Variants in SORBS2 observed in about 807,000 individuals in gnomAD.
The protein encoded by SORBS2 is sorbin and SH3 domain containing 2, also known as sorbin and SH3 domain-containing protein 2.
In SORBS2, 46 loss-of-function variants were observed where a neutral mutation model predicts 97.7. The observed-to-expected ratio is 0.47, with a 90% CI of 0.37 to 0.60. The LOEUF is 0.60. Ranked by LOEUF, SORBS2 falls within the 20% of genes least tolerant of loss-of-function variation. SORBS2 has a pLI of 0.00. For missense variants in SORBS2, 1,316 were observed against 1,282.3 expected, an observed-to-expected ratio of 1.03 and a Z score of -0.40; for synonymous variants, 476 against 473.4, an observed-to-expected ratio of 1.01 and a Z score of -0.07.
chr4:185,901,244 C>T (rs1387823817), intron 1 of SORBS2, among the ~76,000 whole-genome samples: 1 of 151,964 alleles, frequency 6.6e-6, no homozygotes, highest in South Asian at 2.1e-4. Context: ...ACTCTTGTTG[C>T]CCAGGCTGGA....
chr4:185,896,039 T>A (rs922647725), intron 1 of SORBS2, among the ~76,000 whole-genome samples: 1 of 152,122 alleles, frequency 6.6e-6, no homozygotes, highest in African/African-American at 2.4e-5. Flanking sequence ...ATTATCCAGC[T>A]CTGAACAAGG....
intron 1 of SORBS2, among the ~76,000 whole-genome samples, chr4:185,954,484 G>A (rs1311731243): frequency 6.6e-6 from 1 of 152,008 alleles, no homozygotes; most frequent in Admixed American, 6.6e-5. Context: ...TATGTACATT[G>A]TAAATATTTT....
At chr4:185,624,520 A>G (rs1581220183) in intron 6 of SORBS2, 26 bp from the exon 19 acceptor site, 1 of 1,567,278 alleles carries the variant, frequency 6.4e-7, no homozygotes, top group East Asian at 2.3e-5. Context: ...AGCGTGGTAG[A>G]AGAGAGACAT....
intron 2 of SORBS2, among the ~76,000 whole-genome samples, chr4:185,757,872 A>C (rs2098840375): frequency 6.6e-6 from 1 of 152,216 alleles, no homozygotes; most frequent in Non-Finnish European, 1.5e-5. Context: ...TGAGACCCCT[A>C]ATGGCAGCTT....
chr4:185,910,775 A>G (rs911165036), intron 1 of SORBS2, among the ~76,000 whole-genome samples: 1 of 152,198 alleles, frequency 6.6e-6, no homozygotes, highest in Admixed American at 6.5e-5. Flanking sequence ...TCCTGTGGGT[A>G]TACAAAGATG....
At chr4:185,727,485 G>C (rs1321471312) in intron 2 of SORBS2, among the ~76,000 whole-genome samples, 1 of 152,066 alleles carries the variant, frequency 6.6e-6, no homozygotes, top group African/African-American at 2.4e-5. Flanking sequence ...CAATGTATTT[G>C]ATTGTTCTGA....
At chr4:185,644,983 A>G (rs559348319) in intron 4 of SORBS2, among the ~76,000 whole-genome samples, 1 of 152,210 alleles carries the variant, frequency 6.6e-6, no homozygotes, top group African/African-American at 2.4e-5. Context: ...TAAATGATAG[A>G]CTTGAAGTTC....
intron 2 of SORBS2, among the ~76,000 whole-genome samples, chr4:185,743,388 T>G (rs7679506): frequency 0.11 from 17,383 of 152,102 alleles, 1,764 homozygotes; most frequent in African/African-American, 0.25. Flanking sequence ...TTGCTCCCCA[T>G]TTGCTACCTG....
At chr4:185,827,365 A>G (rs1585258850) in intron 1 of SORBS2, among the ~76,000 whole-genome samples, 2 of 52,508 alleles carry the variant, frequency 3.8e-5, no homozygotes, top group African/African-American at 8.1e-5. Context: ...CATCATCATC[A>G]TCATCATCAT....
intron 12 of SORBS2, among the ~76,000 whole-genome samples, chr4:185,601,322 T>A (rs1391507627): frequency 6.6e-6 from 1 of 152,208 alleles, no homozygotes; most frequent in Non-Finnish European, 1.5e-5. Context: ...TAGCTGGATG[T>A]ACTCATGTCA....
chr4:185,726,219 C>T (rs1449688270), intron 2 of SORBS2, among the ~76,000 whole-genome samples: 1 of 152,090 alleles, frequency 6.6e-6, no homozygotes, highest in Non-Finnish European at 1.5e-5. Context: ...TTTAGAAGTC[C>T]ATCTCAAAAT....
chr4:185,643,781 A>C (rs996860704), intron 4 of SORBS2, among the ~76,000 whole-genome samples: 28 of 152,218 alleles, frequency 1.8e-4, no homozygotes, highest in African/African-American at 6.5e-4. Context: ...AAAATTGAAA[A>C]TGAAAAGAGC....
intron 1 of SORBS2, among the ~76,000 whole-genome samples, chr4:185,858,651 A>G (rs1426095489): frequency 6.6e-6 from 1 of 152,196 alleles, no homozygotes; most frequent in Admixed American, 6.5e-5. Flanking sequence ...AGAGACACAG[A>G]CAAGGCTTAA....
chr4:185,884,461 T>TA (rs1396083833), intron 1 of SORBS2, among the ~76,000 whole-genome samples: 1 of 152,156 alleles, frequency 6.6e-6, no homozygotes, highest in Non-Finnish European at 1.5e-5. Flanking sequence ...TTTTTTAAAA[T>TA]AAAAAAGTTT....
At chr4:185,635,241 A>AT in intron 4 of SORBS2, 114 bp downstream of exon 16, 3 of 737,112 alleles carry the variant, frequency 4.1e-6, no homozygotes, top group Admixed American at 2.6e-5. Flanking sequence ...AAAGATAGAT[A>AT]TTTTTTCAAA....
At chr4:185,756,300 C>T (rs1279419602) in intron 2 of SORBS2, among the ~76,000 whole-genome samples, 2 of 152,044 alleles carry the variant, frequency 1.3e-5, no homozygotes, top group Admixed American at 1.3e-4. Flanking sequence ...GAAAAATTTC[C>T]CCTTAGTATA....
chr4:185,781,546 GCCTCCA>G, intron 1 of SORBS2, among the ~76,000 whole-genome samples: 1 of 149,578 alleles, frequency 6.7e-6, no homozygotes, highest in South Asian at 2.1e-4. Flanking sequence ...CCCTTCCATT[GCCTCCA>G]GCCTCTCCAG....
At chr4:185,840,819 T>G (rs1229163776) in intron 1 of SORBS2, among the ~76,000 whole-genome samples, 1 of 152,074 alleles carries the variant, frequency 6.6e-6, no homozygotes, top group Non-Finnish European at 1.5e-5. Flanking sequence ...CTCTGGAAGA[T>G]GTTCACTCAC....
At position 185,623,173 on chromosome 4, in the gene SORBS2, C is replaced by T. The variant is rs780781620; in HGVS notation, c.1956G>A (p.Arg652=). 6.2e-7 allele frequency: 1 copy of T among 1,614,106 alleles called. No homozygotes were observed. The highest frequency in any genetic ancestry group is 1.3e-5 in the African/African-American group (1 of 75,020). Residue 652 remains arginine (R), a synonymous_variant, in exon 7 of 15, where the codon AGG becomes AGA. Transcript: ENST00000418609. The surrounding 1 kb of genome is among the most constrained non-coding windows in gnomAD (Gnocchi z 6.4). ...GGATGCTGTTGTCCGGCAAGCTCCC[C>T]CTTTTCTTTTCAGCTTTAATTTGGT... is the stretch of plus-strand genomic sequence containing the variant.
Sources: gnomAD v4.1 joint callset for allele counts (sites outside exome capture counted in the v4.1 genomes callset) on GRCh38, gnomAD v4.1.1 for gene constraint, Gnocchi (gnomAD v3.1) non-coding constraint, MANE v1.5 for transcripts, NCBI Gene and HGNC (gene_info 2026-07-23, HGNC 2026-07-21) for gene names.